Variants in PTBP2 observed in about 807,000 individuals in gnomAD.
PTBP2 encodes polypyrimidine tract binding protein 2.
Under a neutral mutation model 61.4 loss-of-function variants are expected in PTBP2, and 13 were observed. That is an observed-to-expected ratio of 0.21 (90% CI 0.14 to 0.34). PTBP2 has a LOEUF of 0.34. Ranked by LOEUF, PTBP2 falls within the 10% of genes least tolerant of loss-of-function variation. The probability of loss-of-function intolerance (pLI) is 1.00; values close to 1 mark genes in which losing one functional copy is unlikely to be tolerated. For synonymous variants in PTBP2, 215 were observed against 218.5 expected (o/e 0.98, Z 0.14); for missense variants, 405 against 642.6 (o/e 0.63, Z 4.00).
At chr1:96,727,345 A>G (rs975209347) in intron 2 of PTBP2, among the ~76,000 whole-genome samples, 1 of 152,170 alleles carries the variant, frequency 6.6e-6, no homozygotes, top group Admixed American at 6.5e-5. Flanking sequence ...TAATAAAAAT[A>G]TAGTTGTGAA....
At chr1:96,752,443 A>G (rs939416499) in intron 3 of PTBP2, among the ~76,000 whole-genome samples, 3 of 152,124 alleles carry the variant, frequency 2.0e-5, no homozygotes, top group African/African-American at 7.2e-5. Context: ...ACAAACACAA[A>G]CACACATCTC....
At chr1:96,732,174 T>C (rs1481829938) in intron 2 of PTBP2, among the ~76,000 whole-genome samples, 3 of 152,192 alleles carry the variant, frequency 2.0e-5, no homozygotes, top group Non-Finnish European at 4.4e-5. Flanking sequence ...GACTATTGAA[T>C]TCATCCTCAT....
chr1:96,774,352 G>A (rs1657778298), intron 5 of PTBP2, among the ~76,000 whole-genome samples: 1 of 152,104 alleles, frequency 6.6e-6, no homozygotes. Flanking sequence ...CCTGTTTGCT[G>A]TGTGTTCACT....
intron 11 of PTBP2, among the ~76,000 whole-genome samples, chr1:96,811,425 G>A (rs1662072546): frequency 6.6e-6 from 1 of 151,812 alleles, no homozygotes; most frequent in Admixed American, 6.6e-5. Flanking sequence ...GTTGGTTTTT[G>A]TTTTTGTTTT....
Position 96,807,024 on chromosome 1 carries a change from G to A in PTBP2, c.1171+66G>A. The A allele has an allele frequency of 1.3e-5, 16 of 1,255,614 alleles. No individual in the cohort carries two copies. In the South Asian group the frequency reaches 2.1e-4, roughly 17 times the overall value. 77.8% of individuals were successfully genotyped at this position (1,255,614 alleles called of 1,614,324 possible). ...GCTTTCAAATGCATAATGTGAATGT[G>A]CGAATAAAAATAAACTCCTTTACAT... On this transcript the variant is annotated intron_variant, in intron 11 of 13. Transcript: ENST00000674951.
At chr1:96,804,301 AT>A (rs1294414135) in intron 8 of PTBP2, among the ~76,000 whole-genome samples, 4 of 152,136 alleles carry the variant, frequency 2.6e-5, no homozygotes, top group Admixed American at 2.6e-4. Flanking sequence ...GTTCAGAGTG[AT>A]TTGTCTCTAG....
intron 2 of PTBP2, among the ~76,000 whole-genome samples, chr1:96,742,347 A>G (rs535774031): frequency 5.2e-4 from 79 of 152,310 alleles, no homozygotes; most frequent in Middle Eastern, 3.4e-3. Context: ...TAATATTTCA[A>G]TATTTCTAAA....
At chr1:96,724,173 C>T (rs1243034852) in intron 2 of PTBP2, among the ~76,000 whole-genome samples, 1 of 152,138 alleles carries the variant, frequency 6.6e-6, no homozygotes, top group Non-Finnish European at 1.5e-5. Flanking sequence ...AACTACTCAT[C>T]GTTTAAACTT....
chr1:96,812,804 C>A lies in PTBP2; in HGVS notation c.1264C>A (p.Leu422Ile). The A allele has an allele frequency of 6.2e-7, 1 of 1,612,100 alleles. No homozygotes were observed. Among genetic ancestry groups the A allele is most frequent in the Middle Eastern group, 1.7e-4 (1 of 6,052 alleles). The change falls in exon 12 of 14, where the codon CTT becomes ATT. Residue 422 changes from leucine to isoleucine, a missense_variant. Physicochemically the swap from Leu to Ile is conservative, Grantham distance 5. Coordinates refer to ENST00000674951, the MANE Select transcript of PTBP2 (RefSeq NM_021190.4). ...GACTGTACAGCTACCTCGAGAGGGACTTGATGATCAAGGGCTAACAAAAGA... is the reference window on the plus strand; with the variant it reads ...GACTGTACAGCTACCTCGAGAGGGAATTGATGATCAAGGGCTAACAAAAGA... ...HQTVQLPREG[L>I]DDQGLTKDFG...
At chr1:96,734,038 A>T (rs1651803886) in intron 2 of PTBP2, among the ~76,000 whole-genome samples, 1 of 152,152 alleles carries the variant, frequency 6.6e-6, no homozygotes, top group African/African-American at 2.4e-5. Flanking sequence ...ACATTAGGGG[A>T]TAAGGTGGTT....
At chr1:96,731,922 T>C (rs1320563979) in intron 2 of PTBP2, among the ~76,000 whole-genome samples, 1 of 152,184 alleles carries the variant, frequency 6.6e-6, no homozygotes, top group Non-Finnish European at 1.5e-5. Context: ...GACAGAATTG[T>C]ATGAAATGAC....
rs1485991637 is a variant in PTBP2, at chr1:96,778,639, CCATTATTAAGCCATTAAAAATT to C, written c.708+710_708+731del. ...ATAGTATCTCATTATTATTACTATT[CCATTATTAAGCCATTAAAAATT>C]CATTATTAAGCCATTATTATGAAAC... On this transcript the variant is annotated intron_variant, in intron 7 of 13. Transcript: ENST00000674951. Among the ~76,000 whole-genome samples, 3 of 151,954 alleles carry C rather than the reference CCATTATTAAGCCATTAAAAATT, an allele frequency of 2.0e-5. No homozygotes were observed. In the East Asian group the frequency reaches 5.8e-4, roughly 29 times the overall value.
intron 5 of PTBP2, among the ~76,000 whole-genome samples, chr1:96,774,544 A>G (rs149489870): frequency 6.6e-6 from 1 of 152,324 alleles, no homozygotes; most frequent in African/African-American, 2.4e-5. Flanking sequence ...TTAACCATGA[A>G]TTCTTTCACA....
chr1:96,798,851 ATTTG>A (rs1465441297), intron 8 of PTBP2, among the ~76,000 whole-genome samples: 5 of 152,220 alleles, frequency 3.3e-5, no homozygotes, highest in Admixed American at 2.0e-4. Flanking sequence ...AATGTCTTAA[ATTTG>A]TTTGTAAATC....
At chr1:96,726,328 A>C (rs367803857) in intron 2 of PTBP2, among the ~76,000 whole-genome samples, 2 of 143,780 alleles carry the variant, frequency 1.4e-5, no homozygotes, top group East Asian at 2.1e-4. Flanking sequence ...GCTGGAGTGC[A>C]GTGGCATGAT....
intron 2 of PTBP2, chr1:96,749,519 TCTTA>T (rs1480274134): frequency 1.4e-5 from 5 of 345,980 alleles, no homozygotes; most frequent in South Asian, 4.1e-5. Flanking sequence ...TGTTTTTGTT[TCTTA>T]CTTTTAGAAT....
intron 5 of PTBP2, 27 bp from the exon 6 acceptor site, chr1:96,777,558 T>G: frequency 6.3e-7 from 1 of 1,582,810 alleles, no homozygotes. Flanking sequence ...TGGGTATGTT[T>G]CTAAACTACA....
At chr1:96,762,998 G>T (rs1437484832) in intron 3 of PTBP2, among the ~76,000 whole-genome samples, 3 of 151,370 alleles carry the variant, frequency 2.0e-5, no homozygotes, top group South Asian at 2.1e-4. Context: ...GGGCAGAGAC[G>T]CTCCTCACTT....
intron 3 of PTBP2, among the ~76,000 whole-genome samples, chr1:96,757,873 T>G (rs59809222): frequency 1.3e-5 from 2 of 152,056 alleles, no homozygotes; most frequent in African/African-American, 4.8e-5. Context: ...AATGAAAATA[T>G]ATCAAAATTT....
Sources: allele counts gnomAD v4.1 joint callset (sites outside exome capture counted in the v4.1 genomes callset), GRCh38; gene constraint gnomAD v4.1.1; transcripts MANE v1.5; gene names NCBI Gene and HGNC (gene_info 2026-07-23, HGNC 2026-07-21).